The following GABRB2 variants were observed in gnomAD, a reference collection of about 807,000 sequenced individuals.
The protein encoded by GABRB2 is gamma-aminobutyric acid receptor subunit beta-2.
GABRB2 carries 16 observed loss-of-function variants against 54.7 expected under a neutral mutation model. The ratio of observed to expected loss-of-function variants is 0.29; its 90% CI spans 0.20 to 0.44. The LOEUF is 0.44. Among genes scored for constraint, GABRB2 ranks in the 20% least tolerant of loss-of-function variants. GABRB2 has a pLI of 1.00. For synonymous variants in GABRB2, 244 were observed against 233.8 expected (o/e 1.04, Z -0.40); for missense variants, 355 against 644.0 (o/e 0.55, Z 4.86).
At chr5:161,368,958 T>C (rs1361477345) in intron 5 of GABRB2, among the ~76,000 whole-genome samples, 3 of 152,182 alleles carry the variant, frequency 2.0e-5, no homozygotes, top group Non-Finnish European at 4.4e-5. Flanking sequence ...GGGCCCTGCA[T>C]AGCAAATTGT....
chr5:161,385,945 C>CGGGGG (rs1561631706), intron 5 of GABRB2, among the ~76,000 whole-genome samples: 1 of 138,448 alleles, frequency 7.2e-6, no homozygotes, highest in Admixed American at 7.1e-5. Context: ...TACCTATTGT[C>CGGGGG]TGGTGTGTGT....
chr5:161,412,061 T>C (rs1756529406), intron 4 of GABRB2, among the ~76,000 whole-genome samples: 1 of 152,174 alleles, frequency 6.6e-6, no homozygotes, highest in Non-Finnish European at 1.5e-5. Flanking sequence ...TGAGGGGCAC[T>C]ATACTATGTG....
At chr5:161,457,092 G>A (rs1192978445) in intron 4 of GABRB2, among the ~76,000 whole-genome samples, 1 of 152,146 alleles carries the variant, frequency 6.6e-6, no homozygotes, top group African/African-American at 2.4e-5. Context: ...GCCCATTGAA[G>A]CTGGAATTGG....
In GABRB2 at chr5:161,495,177, A is replaced by G. The variant is rs780601324; in HGVS notation, c.238-35333T>C. Reference sequence around the variant, plus strand: ...TATTCACAAGTATTATTCCATTTCTATATGGTAAATGTCAGATCATCTGAA... The same window carrying G: ...TATTCACAAGTATTATTCCATTTCTGTATGGTAAATGTCAGATCATCTGAA... On this transcript the variant is annotated intron_variant, in intron 3 of 9. Transcript: ENST00000393959. Among the ~76,000 whole-genome samples, 219 of 152,076 alleles carry G rather than the reference A, an allele frequency of 1.4e-3. 1 individual carries two copies. The highest frequency in any genetic ancestry group is 2.6e-3 in the Non-Finnish European group (178 of 67,936).
intron 3 of GABRB2, among the ~76,000 whole-genome samples, chr5:161,510,378 T>TTTTA (rs1296001934): frequency 3.3e-5 from 5 of 151,944 alleles, no homozygotes; most frequent in African/African-American, 1.2e-4. Context: ...GCCTGGCTTA[T>TTTTA]TTTACTTAAC....
Position 161,326,445 on chromosome 5 carries a change from A to G in GABRB2, c.1114T>C (p.Tyr372His), listed in dbSNP as rs1758365585. The stretch of plus-strand genomic sequence containing the variant: ...CCAGTAGGGTCCCACAAGGATCGAT[A>G]TTGGGTCCCATTTTGTTTAATATCT... The part of the protein sequence containing the change: ...YKDIKQNGTQ[Y>H]RSLWDPTGNL... The change falls in exon 9 of 10, where the codon TAT becomes CAT. Residue 372 changes from tyrosine to histidine, a missense_variant. Coordinates refer to ENST00000393959, the MANE Select transcript of GABRB2 (RefSeq NM_001371727.1). 1 of 1,613,520 alleles carries G rather than the reference A, an allele frequency of 6.2e-7. No individual in the cohort carries two copies. Among genetic ancestry groups the G allele is most frequent in the Admixed American group, 1.7e-5 (1 of 59,960 alleles).
chr5:161,419,047 A>G (rs1200679809), intron 4 of GABRB2, among the ~76,000 whole-genome samples: 1 of 152,138 alleles, frequency 6.6e-6, no homozygotes, highest in African/African-American at 2.4e-5. Flanking sequence ...GGATCACCTG[A>G]GCCTTGGAGA....
intron 9 of GABRB2, among the ~76,000 whole-genome samples, chr5:161,307,863 CTTT>C (rs34485396): frequency 5.0e-5 from 7 of 140,042 alleles, no homozygotes; most frequent in Admixed American, 7.2e-5. Flanking sequence ...AAGACTAATT[CTTT>C]TTTTTTTTTT....
At chr5:161,332,843 A>G (rs1163021249) in intron 7 of GABRB2, among the ~76,000 whole-genome samples, 1 of 152,162 alleles carries the variant, frequency 6.6e-6, no homozygotes, top group Non-Finnish European at 1.5e-5. Flanking sequence ...AGAAACAGCT[A>G]CAGAATAAAA....
At chr5:161,419,524 C>A (rs1271265841) in intron 4 of GABRB2, among the ~76,000 whole-genome samples, 1 of 152,198 alleles carries the variant, frequency 6.6e-6, no homozygotes, top group Non-Finnish European at 1.5e-5. Context: ...TTTATCTCAG[C>A]ACTATTCACA....
At chr5:161,504,577 T>C (rs1240247940) in intron 3 of GABRB2, among the ~76,000 whole-genome samples, 1 of 152,140 alleles carries the variant, frequency 6.6e-6, no homozygotes, top group Non-Finnish European at 1.5e-5. Flanking sequence ...TTTATAGCTT[T>C]ATATGCCTAT....
At chr5:161,435,768 T>C (rs779224035) in intron 4 of GABRB2, among the ~76,000 whole-genome samples, 2 of 152,202 alleles carry the variant, frequency 1.3e-5, no homozygotes, top group Non-Finnish European at 2.9e-5. Flanking sequence ...TTGCAAACCT[T>C]AGCAGCCCAT....
chr5:161,500,082 G>T lies in GABRB2; in HGVS notation c.238-40238C>A, dbSNP rs1314643413. Among the ~76,000 whole-genome samples, 5 of 152,146 alleles carry T rather than the reference G, an allele frequency of 3.3e-5. No individual in the cohort carries two copies. The East Asian group carries it at 9.6e-4, about 29-fold the overall frequency. Reference sequence around the variant, plus strand: ...AGCTTTAAAAATAATTGAATATGTTGGTTTTCTCTTAGTTCATTTACTAAG... The same window carrying T: ...AGCTTTAAAAATAATTGAATATGTTTGTTTTCTCTTAGTTCATTTACTAAG... On this transcript the variant is annotated intron_variant, in intron 3 of 9. Transcript: ENST00000393959.
At chr5:161,464,472 C>T (rs1758218146) in intron 3 of GABRB2, among the ~76,000 whole-genome samples, 2 of 151,850 alleles carry the variant, frequency 1.3e-5, no homozygotes, top group Admixed American at 6.6e-5. Flanking sequence ...GAAGGTACAC[C>T]CAAAGTCTCA....
chr5:161,426,675 G>T lies in GABRB2; in HGVS notation c.459-15618C>A, dbSNP rs1037130509. ...AGAATGAAATGAATCATAATAAAAAGAAACTGGGTCTCATTTTAAAGAAGG... is the reference window on the plus strand; with the variant it reads ...AGAATGAAATGAATCATAATAAAAATAAACTGGGTCTCATTTTAAAGAAGG... On this transcript the variant is annotated intron_variant, in intron 4 of 9. Coordinates refer to ENST00000393959, the MANE Select transcript of GABRB2 (RefSeq NM_001371727.1). 3.3e-5 allele frequency among the ~76,000 whole-genome samples: 5 copies of T among 151,990 alleles called. No individual in the cohort carries two copies. In the East Asian group the frequency reaches 9.7e-4, roughly 29 times the overall value.
chr5:161,431,878 T>C (rs1757180387), intron 4 of GABRB2, among the ~76,000 whole-genome samples: 1 of 152,216 alleles, frequency 6.6e-6, no homozygotes, highest in South Asian at 2.1e-4. Flanking sequence ...AAGTAGATAC[T>C]GAACTGGTAG....
rs941191208 is a variant in GABRB2, at chr5:161,434,446, C to T, written c.459-23389G>A. Among the ~76,000 whole-genome samples the T allele has an allele frequency of 4.6e-5, 7 of 152,148 alleles. No individual in the cohort carries two copies. In the East Asian group the frequency reaches 1.3e-3, roughly 29 times the overall value. On this transcript the variant is annotated intron_variant, in intron 4 of 9. Coordinates refer to ENST00000393959, the MANE Select transcript of GABRB2 (RefSeq NM_001371727.1). ...TCTTAAAAATTACTAACAAAAGACT[C>T]TTCTTCCCTCTCTAACCTCTCTCAT... is the stretch of plus-strand genomic sequence containing the variant.
At chr5:161,428,377 A>G (rs1334256956) in intron 4 of GABRB2, among the ~76,000 whole-genome samples, 1 of 151,798 alleles carries the variant, frequency 6.6e-6, no homozygotes, top group Non-Finnish European at 1.5e-5. Flanking sequence ...TTTTATTTCT[A>G]TAGTCTTCAT....
chr5:161,503,718 A>AT (rs1759517805), intron 3 of GABRB2, among the ~76,000 whole-genome samples: 1 of 151,844 alleles, frequency 6.6e-6, no homozygotes, highest in African/African-American at 2.4e-5. Context: ...TCAAAAAAAA[A>AT]AAAAAAAAAG....
Sources: gnomAD v4.1 joint callset for allele counts (sites outside exome capture counted in the v4.1 genomes callset) on GRCh38, gnomAD v4.1.1 for gene constraint, MANE v1.5 for transcripts, NCBI Gene and HGNC (gene_info 2026-07-23, HGNC 2026-07-21) for gene names.